CAMTA1: variants seen among roughly 807,000 people sequenced by gnomAD.
CAMTA1 encodes calmodulin binding transcription activator 1.
CAMTA1 carries 27 observed loss-of-function variants against 170.9 expected under a neutral mutation model. The ratio of observed to expected loss-of-function variants is 0.16; its 90% CI spans 0.12 to 0.22. The LOEUF is 0.22. CAMTA1 is among the 10% of genes least tolerant of loss of function. The pLI, the probability that CAMTA1 is intolerant of heterozygous loss-of-function variation, is 1.00. For synonymous variants in CAMTA1, 833 were observed against 891.5 expected (o/e 0.93, Z 1.17); for missense variants, 1,619 against 2,217.2 (o/e 0.73, Z 5.42).
intron 3 of CAMTA1, among the ~76,000 whole-genome samples, chr1:7,028,165 A>G (rs2101047662): frequency 6.6e-6 from 1 of 152,290 alleles, no homozygotes; most frequent in South Asian, 2.1e-4. Flanking sequence ...TCAGCCTCCC[A>G]AAGTGCTGGG....
intron 5 of CAMTA1, among the ~76,000 whole-genome samples, chr1:7,284,131 TC>T (rs1671919672): frequency 3.7e-5 from 2 of 54,736 alleles, no homozygotes; most frequent in Admixed American, 3.9e-4. Flanking sequence ...CTGCTGTTCT[TC>T]TTCTTCTTCT....
intron 5 of CAMTA1, among the ~76,000 whole-genome samples, chr1:7,341,278 T>A (rs1441796719): frequency 6.6e-6 from 1 of 152,088 alleles, no homozygotes; most frequent in Non-Finnish European, 1.5e-5. Context: ...TGCTGAGGAG[T>A]GTCTGGTGGT....
At chr1:7,660,736 C>G (rs1281571705) in intron 7 of CAMTA1, among the ~76,000 whole-genome samples, 1 of 152,170 alleles carries the variant, frequency 6.6e-6, no homozygotes, top group African/African-American at 2.4e-5. Flanking sequence ...GGACATTGCT[C>G]TTGTATCGAT....
In CAMTA1 at chr1:7,426,359, A is replaced by C. The variant is rs937914843; in HGVS notation, c.439-41471A>C. Among the ~76,000 whole-genome samples, 1 of 151,824 alleles carries C rather than the reference A, an allele frequency of 6.6e-6. No individual in the cohort carries two copies. Among genetic ancestry groups the C allele is most frequent in the African/African-American group, 2.4e-5 (1 of 41,270 alleles). On this transcript the variant is annotated intron_variant, in intron 5 of 22. Coordinates refer to ENST00000303635, the MANE Select transcript of CAMTA1 (RefSeq NM_015215.4). This position sits in a 1 kb window ranked among gnomAD's most constrained non-coding sequence, Gnocchi z 4.8. Reference sequence around the variant, plus strand: ...GGGCCAGCAAGGGCAGGTGGTGTCAACTCCCATCCTGGCATCGGATATAGG... The same window carrying C: ...GGGCCAGCAAGGGCAGGTGGTGTCACCTCCCATCCTGGCATCGGATATAGG...
chr1:7,255,450 T>C (rs577911330), intron 5 of CAMTA1, among the ~76,000 whole-genome samples: 3 of 152,214 alleles, frequency 2.0e-5, no homozygotes, highest in Admixed American at 1.3e-4. Flanking sequence ...GCTGTTTTTT[T>C]CCCACGTCTA....
At chr1:7,141,313 C>T (rs1645876816) in intron 4 of CAMTA1, among the ~76,000 whole-genome samples, 1 of 152,188 alleles carries the variant, frequency 6.6e-6, no homozygotes, top group African/African-American at 2.4e-5. Context: ...GGGTCCTGCT[C>T]CTGTCCCCCA....
At chr1:7,512,425 G>A (rs926259804) in intron 6 of CAMTA1, among the ~76,000 whole-genome samples, 1 of 152,204 alleles carries the variant, frequency 6.6e-6, no homozygotes, top group Non-Finnish European at 1.5e-5. Context: ...TCAGGTTTGC[G>A]GCAACACTGC....
intron 3 of CAMTA1, among the ~76,000 whole-genome samples, chr1:6,854,311 C>T (rs188858546): frequency 1.1e-3 from 170 of 152,278 alleles, no homozygotes; most frequent in African/African-American, 3.9e-3. Context: ...TACAATAATA[C>T]GCAGATTCAT....
intron 5 of CAMTA1, among the ~76,000 whole-genome samples, chr1:7,385,659 A>G (rs573747257): frequency 1.3e-5 from 2 of 152,306 alleles, no homozygotes; most frequent in South Asian, 4.1e-4. Context: ...AGGCCAGGCC[A>G]GCCCCGAGGC....
At chr1:6,870,563 A>G (rs1668122843) in intron 3 of CAMTA1, among the ~76,000 whole-genome samples, 1 of 152,198 alleles carries the variant, frequency 6.6e-6, no homozygotes. Context: ...CTATATTTTA[A>G]TATCTAAGTG....
rs576730482 is a variant in CAMTA1, at chr1:7,378,814, G to A, written c.439-89016G>A. On this transcript the variant is annotated intron_variant, in intron 5 of 22. Transcript: ENST00000303635. ...GTCAGAGGCCGCACTAAACTATGGGGCTGGTGGGGGATGAGGCCTGTGGGC... is the reference window on the plus strand; with the variant it reads ...GTCAGAGGCCGCACTAAACTATGGGACTGGTGGGGGATGAGGCCTGTGGGC... Among the ~76,000 whole-genome samples the A allele has an allele frequency of 3.3e-5, 5 of 152,302 alleles. No homozygotes were observed. The East Asian group carries it at 9.6e-4, about 29-fold the overall frequency.
chr1:7,350,869 C>A (rs1261908792), intron 5 of CAMTA1, among the ~76,000 whole-genome samples: 3 of 152,206 alleles, frequency 2.0e-5, no homozygotes, highest in African/African-American at 7.2e-5. Flanking sequence ...CTTTTAACTC[C>A]CGTAGGGGAT....
intron 3 of CAMTA1, among the ~76,000 whole-genome samples, chr1:7,069,833 T>C (rs901170087): frequency 1.3e-5 from 2 of 152,192 alleles, no homozygotes; most frequent in Non-Finnish European, 2.9e-5. Flanking sequence ...TGGGAAAATA[T>C]TACGCAGTAC....
chr1:6,848,255 T>G (rs931106007), intron 3 of CAMTA1, among the ~76,000 whole-genome samples: 9 of 152,290 alleles, frequency 5.9e-5, no homozygotes, highest in African/African-American at 2.2e-4. Flanking sequence ...CAAACAATCC[T>G]CTCATACCTC....
At chr1:7,013,317 G>A (rs529212403) in intron 3 of CAMTA1, among the ~76,000 whole-genome samples, 5 of 146,672 alleles carry the variant, frequency 3.4e-5, no homozygotes, top group Non-Finnish European at 5.9e-5. Flanking sequence ...TCCCAGGTTC[G>A]AGATTCTCAT....
intron 22 of CAMTA1, among the ~76,000 whole-genome samples, chr1:7,760,699 A>G (rs1002952326): frequency 2.6e-5 from 4 of 152,180 alleles, no homozygotes; most frequent in African/African-American, 9.7e-5. Flanking sequence ...TTTGTTTTGC[A>G]ATCCAAATGA....
chr1:7,079,562 C>T (rs1034244393), intron 3 of CAMTA1, among the ~76,000 whole-genome samples: 1 of 152,082 alleles, frequency 6.6e-6, no homozygotes, highest in South Asian at 2.1e-4. Context: ...ACCTCCACCT[C>T]CCAGGTTCAA....
At chr1:7,317,678 C>T (rs1022740155) in intron 5 of CAMTA1, among the ~76,000 whole-genome samples, 6 of 152,200 alleles carry the variant, frequency 3.9e-5, no homozygotes, top group Middle Eastern at 3.2e-3. Flanking sequence ...GACATCCACA[C>T]GCAGGTGTCC....
intron 3 of CAMTA1, among the ~76,000 whole-genome samples, chr1:6,881,706 G>A (rs1671655962): frequency 6.6e-6 from 1 of 152,202 alleles, no homozygotes; most frequent in African/African-American, 2.4e-5. Context: ...GATGGCTCAC[G>A]TCTGTAACCC....
Sources: gnomAD v4.1 joint callset for allele counts (sites outside exome capture counted in the v4.1 genomes callset) on GRCh38, gnomAD v4.1.1 for gene constraint, Gnocchi (gnomAD v3.1) non-coding constraint, MANE v1.5 for transcripts, NCBI Gene and HGNC (gene_info 2026-07-23, HGNC 2026-07-21) for gene names.